The following SLC44A3 variants were observed in gnomAD, a reference collection of about 807,000 sequenced individuals.
SLC44A3 encodes solute carrier family 44 member 3.
A neutral mutation model predicts 75.4 loss-of-function variants in SLC44A3; 74 were observed. The observed-to-expected ratio is 0.98, with a 90% confidence interval of 0.81 to 1.19. The LOEUF (loss-of-function observed/expected upper bound fraction) is 1.19, where lower values mean the gene tolerates loss of function less well. SLC44A3 is among the 50% of genes most tolerant of loss of function. The pLI is 0.00. For synonymous variants in SLC44A3, 310 were observed against 296.9 expected (o/e 1.04, Z -0.45); for missense variants, 700 against 778.6 (o/e 0.90, Z 1.20).
intron 8 of SLC44A3, chr1:94,843,470 C>T (rs975402181): frequency 6.6e-6 from 1 of 152,200 alleles, no homozygotes; most frequent in Non-Finnish European, 1.5e-5. Context: ...CGGGGCCTCT[C>T]CTGACACCTC....
chr1:94,829,497 A>G (rs756427408), intron 5 of SLC44A3, among the ~76,000 whole-genome samples: 9 of 152,322 alleles, frequency 5.9e-5, no homozygotes, highest in Admixed American at 2.0e-4. Flanking sequence ...AAATTAGTGT[A>G]CTACCTGGCA....
At chr1:94,867,572 C>T (rs1667309993) in intron 12 of SLC44A3, among the ~76,000 whole-genome samples, 155 bp downstream of exon 12, 1 of 152,230 alleles carries the variant, frequency 6.6e-6, no homozygotes, top group African/African-American at 2.4e-5. Flanking sequence ...CCACTCAATT[C>T]TGCCATCATG....
chr1:94,876,669 A>G (rs1395065320), intron 12 of SLC44A3, among the ~76,000 whole-genome samples: 1 of 152,226 alleles, frequency 6.6e-6, no homozygotes, highest in Non-Finnish European at 1.5e-5. Flanking sequence ...ATGACACCCC[A>G]GGCCACCACC....
intron 5 of SLC44A3, among the ~76,000 whole-genome samples, chr1:94,829,878 A>G (rs2100966390): frequency 6.6e-6 from 1 of 152,358 alleles, no homozygotes; most frequent in Admixed American, 6.5e-5. Flanking sequence ...GTATGCACAT[A>G]CCTTCATATG....
At chr1:94,825,722 A>G (rs1197310404) in intron 3 of SLC44A3, 1 of 390,654 alleles carries the variant, frequency 2.6e-6, no homozygotes, top group Admixed American at 3.1e-5. Context: ...TGGAGTCACC[A>G]AATACAAATC....
At chr1:94,877,266 G>A (rs1292952507) in intron 12 of SLC44A3, among the ~76,000 whole-genome samples, 2 of 152,050 alleles carry the variant, frequency 1.3e-5, no homozygotes, top group Admixed American at 6.6e-5. Flanking sequence ...CTGCTCCAAG[G>A]TGTTTGGTCT....
chr1:94,842,115 A>G lies in SLC44A3; in HGVS notation c.876A>G (p.Thr292=). 6.2e-7 allele frequency: 1 copy of G among 1,606,920 alleles called. No individual in the cohort carries two copies. Among genetic ancestry groups the G allele is most frequent in the Non-Finnish European group, 8.5e-7 (1 of 1,176,994 alleles). ...TGCTGGGGTTTGCTATCGTATCCAC[A>G]GGCATCACGGTAAGAAATGCTCTTC... ...KCVLGFAIVS[T]GITAVLLVLI... The change falls in exon 8 of 15, where the codon ACA becomes ACG. Residue 292 remains threonine (T), a synonymous_variant. Transcript: ENST00000271227.
chr1:94,837,742 C>T lies in SLC44A3; in HGVS notation c.541C>T (p.Pro181Ser). 1 of 1,591,672 alleles carries T rather than the reference C, an allele frequency of 6.3e-7. No individual in the cohort carries two copies. The change falls in exon 6 of 15, where the codon CCT (proline) becomes TCT (serine). Residue 181 changes from proline (P) to serine (S), a missense_variant. By Grantham distance (74) the Pro-to-Ser change is moderately conservative. Coordinates refer to ENST00000271227, the MANE Select transcript of SLC44A3 (RefSeq NM_001114106.3). ...KSFPLFNRCV[P>S]QTPECYSLFA... ...ATTTCCCTTATTTAACCGATGTGTC[C>T]CTCAAACACCTGAGTGCTACTCCCT...
chr1:94,840,055 T>A lies in SLC44A3; in HGVS notation c.760+18T>A, dbSNP rs752991573. The A allele has an allele frequency of 1.9e-5, 31 of 1,590,972 alleles. No homozygotes were observed. Among genetic ancestry groups the A allele is most frequent in the Non-Finnish European group, 2.4e-5 (28 of 1,159,226 alleles). On this transcript the variant is annotated intron_variant, in intron 7 of 14. Transcript: ENST00000271227. Reference sequence around the variant, plus strand: ...ATTGTTGTGTAAGTATTTCTCTACTTGACTGATTTCTTTTCGATTAAATGA... The same window carrying A: ...ATTGTTGTGTAAGTATTTCTCTACTAGACTGATTTCTTTTCGATTAAATGA...
At chr1:94,883,873 T>G (rs1669270623) in intron 12 of SLC44A3, among the ~76,000 whole-genome samples, 1 of 151,856 alleles carries the variant, frequency 6.6e-6, no homozygotes, top group Non-Finnish European at 1.5e-5. Flanking sequence ...AGAGTATGAG[T>G]TCATTATCGT....
At chr1:94,854,682 C>G (rs931672836) in intron 9 of SLC44A3, among the ~76,000 whole-genome samples, 1 of 152,194 alleles carries the variant, frequency 6.6e-6, no homozygotes, top group Non-Finnish European at 1.5e-5. Flanking sequence ...GAAGCCAGAG[C>G]GCCCCTGAAC....
chr1:94,852,911 G>A (rs2101186763), intron 9 of SLC44A3, among the ~76,000 whole-genome samples: 1 of 152,288 alleles, frequency 6.6e-6, no homozygotes, highest in South Asian at 2.1e-4. Context: ...ATTTTTAGTT[G>A]CTTTAATTGA....
In SLC44A3 at chr1:94,845,307, C is replaced by T. The variant is rs370422610; in HGVS notation, c.915C>T (p.Leu305=). 1.3e-5 allele frequency: 21 copies of T among 1,611,912 alleles called. No homozygotes were observed. The highest frequency in any genetic ancestry group is 1.8e-5 in the Non-Finnish European group (21 of 1,179,318). ...TAVLLVLIFV[L]RKRIKLTVEL... ...TGCTGCTCGTCTTGATTTTTGTTCTCAGAAAGAGAATAAAATTGACAGTTG... is the reference window on the plus strand; with the variant it reads ...TGCTGCTCGTCTTGATTTTTGTTCTTAGAAAGAGAATAAAATTGACAGTTG... The change falls in exon 9 of 15, where the codon CTC becomes CTT. Residue 305 remains leucine, a synonymous_variant. Transcript: ENST00000271227.
In SLC44A3 at chr1:94,867,430, C is replaced by T; in HGVS notation, c.1482+13C>T. Reference sequence around the variant, plus strand: ...CCATCTCAACCAGGTACGTCTCTACCTCTTGCCTCAGGAACACACAGAAGG... The same window carrying T: ...CCATCTCAACCAGGTACGTCTCTACTTCTTGCCTCAGGAACACACAGAAGG... On this transcript the variant is annotated intron_variant, in intron 12 of 14. Coordinates refer to ENST00000271227, the MANE Select transcript of SLC44A3 (RefSeq NM_001114106.3). The T allele has an allele frequency of 1.9e-6, 3 of 1,595,354 alleles. No individual in the cohort carries two copies.
At chr1:94,872,066 A>C (rs1356343433) in intron 12 of SLC44A3, among the ~76,000 whole-genome samples, 1 of 151,982 alleles carries the variant, frequency 6.6e-6, no homozygotes. Context: ...TCTTGTCTTG[A>C]TGTTTTACTT....
intron 12 of SLC44A3, among the ~76,000 whole-genome samples, chr1:94,889,828 A>T (rs1670007404): frequency 6.6e-6 from 1 of 152,072 alleles, no homozygotes; most frequent in Non-Finnish European, 1.5e-5. Flanking sequence ...ACACCATACC[A>T]GTTACACTGT....
chr1:94,880,129 A>T (rs1213115913), intron 12 of SLC44A3, among the ~76,000 whole-genome samples: 1 of 152,198 alleles, frequency 6.6e-6, no homozygotes, highest in African/African-American at 2.4e-5. Flanking sequence ...AAAAAATTAA[A>T]AATGGGTCTA....
intron 10 of SLC44A3, among the ~76,000 whole-genome samples, chr1:94,861,400 C>T (rs1007240624): frequency 6.6e-6 from 1 of 152,088 alleles, no homozygotes; most frequent in East Asian, 1.9e-4. Context: ...CTAATAACAA[C>T]TAAAATATTA....
At chr1:94,884,040 T>TC (rs1669294834) in intron 12 of SLC44A3, among the ~76,000 whole-genome samples, 1 of 151,410 alleles carries the variant, frequency 6.6e-6, no homozygotes, top group Admixed American at 6.6e-5. Context: ...GTTTGATTTT[T>TC]TTAAGATTAA....
Sources: gnomAD v4.1 joint callset for allele counts (sites outside exome capture counted in the v4.1 genomes callset) on GRCh38, gnomAD v4.1.1 for gene constraint, MANE v1.5 for transcripts, NCBI Gene and HGNC (gene_info 2026-07-23, HGNC 2026-07-21) for gene names.